The following VAT1L variants were observed in gnomAD, a reference collection of about 807,000 sequenced individuals.
VAT1L encodes putative NADPH-dependent quinone oxidoreductase VAT1L.
VAT1L carries 34 observed loss-of-function variants against 44.1 expected under a neutral mutation model. That is an observed-to-expected ratio of 0.77 (90% CI 0.59 to 1.03). The LOEUF is 1.03. Ranked by LOEUF, VAT1L falls within the 50% of genes least tolerant of loss-of-function variation. The pLI is 0.00. For synonymous variants in VAT1L, 253 were observed against 202.2 expected (o/e 1.25, Z -2.13); for missense variants, 615 against 538.8 (o/e 1.14, Z -1.40).
intron 2 of VAT1L, among the ~76,000 whole-genome samples, chr16:77,824,865 T>C (rs906702095): frequency 1.1e-4 from 14 of 126,262 alleles, no homozygotes; most frequent in Non-Finnish European, 2.0e-4. Context: ...AATAATGCTT[T>C]TTTTTTTTTT....
intron 3 of VAT1L, among the ~76,000 whole-genome samples, chr16:77,860,954 C>G (rs1247454133): frequency 6.6e-6 from 1 of 152,152 alleles, no homozygotes; most frequent in Non-Finnish European, 1.5e-5. Flanking sequence ...AAGTGGAAAC[C>G]AGGAGACCTT....
chr16:77,841,341 C>G (rs933805621), intron 3 of VAT1L, among the ~76,000 whole-genome samples: 1 of 152,192 alleles, frequency 6.6e-6, no homozygotes, highest in Admixed American at 6.5e-5. Flanking sequence ...CCTTGGTCTC[C>G]CAAAGTGCTA....
intron 7 of VAT1L, among the ~76,000 whole-genome samples, chr16:77,954,568 T>G (rs1444923816): frequency 6.6e-6 from 1 of 152,136 alleles, no homozygotes; most frequent in African/African-American, 2.4e-5. Context: ...GAGGTTGCAA[T>G]GAGCCAAGAT....
chr16:77,814,330 C>T (rs886287243), intron 1 of VAT1L, among the ~76,000 whole-genome samples: 2 of 152,170 alleles, frequency 1.3e-5, no homozygotes, highest in South Asian at 2.1e-4. Context: ...CTCCAAAATA[C>T]ACCTGCGTCC....
At chr16:77,921,903 C>G (rs553611161) in intron 7 of VAT1L, among the ~76,000 whole-genome samples, 1 of 152,094 alleles carries the variant, frequency 6.6e-6, no homozygotes, top group African/African-American at 2.4e-5. Context: ...ACCACTACAC[C>G]TGGGTAATTT....
chr16:77,828,784 G>C (rs1050601411), intron 3 of VAT1L, among the ~76,000 whole-genome samples: 1 of 152,218 alleles, frequency 6.6e-6, no homozygotes, highest in Non-Finnish European at 1.5e-5. Flanking sequence ...CAAGGAAGCA[G>C]GTGGCCTCTA....
At chr16:77,882,464 A>T (rs2017164776) in intron 6 of VAT1L, 1 of 152,242 alleles carries the variant, frequency 6.6e-6, no homozygotes, top group Non-Finnish European at 1.5e-5. Flanking sequence ...AAAGTGGTGT[A>T]TGTTTATAGA....
chr16:77,792,460 G>T (rs2015852386), intron 1 of VAT1L, among the ~76,000 whole-genome samples: 1 of 152,118 alleles, frequency 6.6e-6, no homozygotes, highest in Admixed American at 6.5e-5. Context: ...AGGGAAGCAG[G>T]CTAGGGAAGA....
intron 7 of VAT1L, among the ~76,000 whole-genome samples, chr16:77,936,934 G>C (rs2017806133): frequency 1.3e-5 from 2 of 152,142 alleles, no homozygotes; most frequent in Non-Finnish European, 2.9e-5. Flanking sequence ...CACCAGGCTG[G>C]AGTGCAATGG....
chr16:77,977,309 CA>C (rs1221286473), intron 8 of VAT1L, among the ~76,000 whole-genome samples: 1 of 152,234 alleles, frequency 6.6e-6, no homozygotes, highest in African/African-American at 2.4e-5. Flanking sequence ...AACTTACTAA[CA>C]TACCCTGCAT....
At chr16:77,902,499 T>C (rs960334039) in intron 7 of VAT1L, among the ~76,000 whole-genome samples, 1 of 152,046 alleles carries the variant, frequency 6.6e-6, no homozygotes, top group East Asian at 1.9e-4. Context: ...TGCTTTAAAA[T>C]AGAATTAAAA....
At chr16:77,960,588 TCTC>T (rs1451404954) in intron 7 of VAT1L, among the ~76,000 whole-genome samples, 2 of 152,118 alleles carry the variant, frequency 1.3e-5, no homozygotes, top group African/African-American at 4.8e-5. Context: ...ATATCTTCAT[TCTC>T]CTTTCTCCTG....
chr16:77,947,259 G>A (rs763244937), intron 7 of VAT1L, among the ~76,000 whole-genome samples: 7 of 152,204 alleles, frequency 4.6e-5, no homozygotes, highest in Non-Finnish European at 7.3e-5. Context: ...AGTGGATGAA[G>A]ATAAATCAAA....
chr16:77,961,665 C>T (rs1409171456), intron 7 of VAT1L, among the ~76,000 whole-genome samples: 1 of 152,112 alleles, frequency 6.6e-6, no homozygotes, highest in Non-Finnish European at 1.5e-5. Flanking sequence ...TGCCATTTTC[C>T]CCTGGCTGCC....
chr16:77,896,323 C>T (rs2017324414), intron 7 of VAT1L, among the ~76,000 whole-genome samples: 1 of 152,212 alleles, frequency 6.6e-6, no homozygotes, highest in South Asian at 2.1e-4. Flanking sequence ...TTGCCATTAT[C>T]CCAACCCTGA....
chr16:77,809,254 C>G (rs1264636253), intron 1 of VAT1L, among the ~76,000 whole-genome samples: 1 of 151,910 alleles, frequency 6.6e-6, no homozygotes, highest in African/African-American at 2.4e-5. Context: ...TGAAATGACA[C>G]TCAACACCAT....
chr16:77,910,524 A>G (rs1165913305), intron 7 of VAT1L, among the ~76,000 whole-genome samples: 3 of 152,052 alleles, frequency 2.0e-5, no homozygotes, highest in Admixed American at 1.3e-4. Flanking sequence ...TACAAAAAAT[A>G]TTAGCAGGGC....
chr16:77,887,244 G>T (rs1421845142), intron 7 of VAT1L, among the ~76,000 whole-genome samples: 1 of 152,204 alleles, frequency 6.6e-6, no homozygotes, highest in Non-Finnish European at 1.5e-5. Flanking sequence ...AGGAGAGTCT[G>T]AGTAGGTTAA....
intron 3 of VAT1L, among the ~76,000 whole-genome samples, chr16:77,829,084 C>T (rs59847330): frequency 0.015 from 2,358 of 152,242 alleles, 52 homozygotes; most frequent in African/African-American, 0.054. Context: ...AACTACGATT[C>T]GTACCTCAAT....
Sources: gnomAD v4.1 joint callset for allele counts (sites outside exome capture counted in the v4.1 genomes callset) on GRCh38, gnomAD v4.1.1 for gene constraint, MANE v1.5 for transcripts, NCBI Gene and HGNC (gene_info 2026-07-23, HGNC 2026-07-21) for gene names.